Variants in ZNF384 observed in about 807,000 individuals in gnomAD.
ZNF384 encodes the protein CAG repeat protein 1.
In ZNF384, 20 loss-of-function variants were observed where a neutral mutation model predicts 65.0. That is an observed-to-expected ratio of 0.31 (90% confidence interval 0.22 to 0.45). ZNF384 has a LOEUF of 0.45. Among genes scored for constraint, ZNF384 ranks in the 20% least tolerant of loss-of-function variants. The pLI is 1.00. For synonymous variants in ZNF384, 310 were observed against 303.9 expected, an observed-to-expected ratio of 1.02 and a Z score of -0.21; for missense variants, 549 against 769.4, an observed-to-expected ratio of 0.71 and a Z score of 3.39.
chr12:6,682,414 T>G (rs905431282), intron 2 of ZNF384, among the ~76,000 whole-genome samples: 1 of 152,048 alleles, frequency 6.6e-6, no homozygotes, highest in African/African-American at 2.4e-5. Context: ...ATCCCAGCGC[T>G]TTGAGAGGCT....
At chr12:6,676,768 A>G (rs1488836792) in intron 7 of ZNF384, among the ~76,000 whole-genome samples, 2 of 152,230 alleles carry the variant, frequency 1.3e-5, no homozygotes, top group Non-Finnish European at 2.9e-5. Context: ...CCTTTAAATG[A>G]ATCAAACTTG....
chr12:6,681,950 A>G (rs1956121969), intron 2 of ZNF384, among the ~76,000 whole-genome samples: 1 of 152,160 alleles, frequency 6.6e-6, no homozygotes, highest in African/African-American at 2.4e-5. Context: ...AAAACTAATC[A>G]GTATCTGATA....
chr12:6,688,946 A>C (rs914467892), intron 1 of ZNF384, 152 bp downstream of exon 1: 48 of 147,056 alleles, frequency 3.3e-4, no homozygotes, highest in African/African-American at 1.2e-3. Context: ...ATTCCTTCCC[A>C]TCGCCCGCTC....
chr12:6,680,646 T>TAAA (rs1452239073), intron 2 of ZNF384, among the ~76,000 whole-genome samples: 1 of 136,736 alleles, frequency 7.3e-6, no homozygotes, highest in African/African-American at 2.8e-5. Flanking sequence ...AAATTCCGTC[T>TAAA]CAAAAAAAAA....
intron 10 of ZNF384, among the ~76,000 whole-genome samples, chr12:6,669,928 GCACACGCGCGCGCGCACACACACACA>G (rs1376192843): frequency 1.3e-5 from 2 of 150,242 alleles, no homozygotes; most frequent in Non-Finnish European, 3.0e-5. Context: ...TCTCAAACAC[GCACACGCGCGCGCGCACACACACACA>G]CACACACAAA....
In ZNF384 at chr12:6,672,624, G is replaced by A. The variant is rs558651751; in HGVS notation, c.1005-92C>T. ...GCTGGGTGAAATGACGTTGCTTGAC[G>A]GATGAGAGCACCCCCTTCCTCCCTC... On this transcript the variant is annotated intron_variant, in intron 8 of 11. Transcript: ENST00000683879. This position sits in a 1 kb window ranked among gnomAD's most constrained non-coding sequence, Gnocchi z 4.4. 10 of 1,284,602 alleles carry A rather than the reference G, an allele frequency of 7.8e-6. No homozygotes were observed. Among genetic ancestry groups the A allele is most frequent in the Admixed American group, 4.3e-5 (2 of 46,340 alleles). The allele number at this position is 1,284,602 out of a possible 1,614,324, so 79.6% of individuals were successfully genotyped here.
chr12:6,679,183 T>C lies in ZNF384; in HGVS notation c.67A>G (p.Ile23Val), dbSNP rs766206723. 5.1e-6 allele frequency: 8 copies of C among 1,568,280 alleles called. No individual in the cohort carries two copies. Among genetic ancestry groups the C allele is most frequent in the African/African-American group, 2.7e-5 (2 of 73,628 alleles). ...TTGTTGATGAACATTGTGTTCTCGATCTAAGAGAAAAGGAAGGGGACGGGA... is the reference window on the plus strand; with the variant it reads ...TTGTTGATGAACATTGTGTTCTCGACCTAAGAGAAAAGGAAGGGGACGGGA... ...WPSIPTVSGQ[I>V]ENTMFINKMK... The change falls in exon 4 of 12, where the codon ATC becomes GTC. Residue 23 changes from isoleucine (I) to valine (V), a missense_variant and splice_region_variant. Coordinates refer to ENST00000683879, the MANE Select transcript of ZNF384 (RefSeq NM_001385745.1).
At position 6,667,540 on chromosome 12, in the gene ZNF384, T is replaced by C. The variant is rs1950030917; in HGVS notation, c.*174A>G. On this transcript the variant is annotated 3_prime_UTR_variant, in exon 12 of 12. Transcript: ENST00000683879. ...GCAATCAGGAGGGCTGATGTTCCTTTTGAAGAAGAGTTCAGAAAAAGGATG... is the reference window on the plus strand; with the variant it reads ...GCAATCAGGAGGGCTGATGTTCCTTCTGAAGAAGAGTTCAGAAAAAGGATG... The C allele has an allele frequency of 2.3e-6, 2 of 878,954 alleles. No homozygotes were observed. Among genetic ancestry groups the C allele is most frequent in the Non-Finnish European group, 1.9e-6 (1 of 532,680 alleles). 54.4% of individuals were successfully genotyped at this position (878,954 alleles called of 1,614,324 possible). A position where few individuals can be genotyped will look rare whatever the true frequency, so the allele number is the denominator to read the frequency against.
Position 6,678,153 on chromosome 12 carries a change from GTCA to G in ZNF384, c.657_659del (p.Asp220del), listed in dbSNP as rs1954458542. 5 of 1,613,224 alleles carry G rather than the reference GTCA, an allele frequency of 3.1e-6. No homozygotes were observed. Among genetic ancestry groups the G allele is most frequent in the Admixed American group, 1.7e-5 (1 of 59,998 alleles). On this transcript the variant is annotated inframe_deletion, in exon 6 of 12. Coordinates refer to ENST00000683879, the MANE Select transcript of ZNF384 (RefSeq NM_001385745.1). This position sits in a 1 kb window ranked among gnomAD's most constrained non-coding sequence, Gnocchi z 4.9. ...TGTAGGTCTTGCCGTCTTTCTGATG[GTCA>G]TCATCATCCTCAGGGGAGAGGACAT...
intron 2 of ZNF384, among the ~76,000 whole-genome samples, chr12:6,680,913 A>C (rs1183227697): frequency 6.6e-6 from 1 of 152,002 alleles, no homozygotes; most frequent in Non-Finnish European, 1.5e-5. Context: ...CCTGCTTCCT[A>C]TTTCTCAAAA....
At position 6,672,559 on chromosome 12, in the gene ZNF384, G is replaced by T; in HGVS notation, c.1005-27C>A. On this transcript the variant is annotated intron_variant, in intron 8 of 11. Coordinates refer to ENST00000683879, the MANE Select transcript of ZNF384 (RefSeq NM_001385745.1). The surrounding 1 kb of genome is among the most constrained non-coding windows in gnomAD (Gnocchi z 4.4). The stretch of plus-strand genomic sequence containing the variant: ...TGCCGGAGAGGAGAGGAGGGAAGGG[G>T]GGAGGAGGAAGCAGTTCGACACCAG... The T allele has an allele frequency of 6.2e-7, 1 of 1,609,872 alleles. No homozygotes were observed. Among genetic ancestry groups the T allele is most frequent in the East Asian group, 2.2e-5 (1 of 44,806 alleles).
chr12:6,684,490 G>A (rs1257188332), intron 2 of ZNF384, among the ~76,000 whole-genome samples: 1 of 152,138 alleles, frequency 6.6e-6, no homozygotes, highest in Non-Finnish European at 1.5e-5. Context: ...ACTTTAGGAT[G>A]ACAGAGCCTG....
At chr12:6,688,292 C>A (rs1365826249) in intron 1 of ZNF384, 66 bp from the exon 2 acceptor site, 1 of 152,542 alleles carries the variant, frequency 6.6e-6, no homozygotes, top group East Asian at 1.9e-4. Flanking sequence ...CTGTGGAGAA[C>A]CTCAGGAATT....
chr12:6,670,218 C>T (rs1026853903), intron 10 of ZNF384, among the ~76,000 whole-genome samples: 3 of 152,078 alleles, frequency 2.0e-5, no homozygotes. Context: ...GGCCTGTGTC[C>T]AGGAGTTCGA....
intron 3 of ZNF384, 109 bp downstream of exon 3, chr12:6,679,346 T>TC: frequency 7.9e-7 from 1 of 1,262,202 alleles, no homozygotes; most frequent in Non-Finnish European, 1.1e-6. Context: ...ACTAGATAAT[T>TC]CTCAGGGGTG....
Position 6,687,693 on chromosome 12 carries a change from C to G in ZNF384, c.-6+474G>C, listed in dbSNP as rs116684312. Among the ~76,000 whole-genome samples the G allele has an allele frequency of 3.8e-3, 583 of 152,206 alleles. 3 individuals are homozygous for G. Among genetic ancestry groups the G allele is most frequent in the African/African-American group, 0.014 (563 of 41,512 alleles). ...CTTGCCATACCAAATTCAAATAACC[C>G]TGTGTCACAGATTCTAATCACTCCA... On this transcript the variant is annotated intron_variant, in intron 2 of 11. Coordinates refer to ENST00000683879, the MANE Select transcript of ZNF384 (RefSeq NM_001385745.1).
chr12:6,677,134 A>G, intron 7 of ZNF384, 33 bp downstream of exon 7: 1 of 574,098 alleles, frequency 1.7e-6, no homozygotes, highest in South Asian at 1.6e-5. Context: ...ACAGATGAGG[A>G]AACTGAGGCC....
chr12:6,688,985 GACAC>G, intron 1 of ZNF384, 109 bp downstream of exon 1: 1 of 152,320 alleles, frequency 6.6e-6, no homozygotes, highest in Non-Finnish European at 1.5e-5. Flanking sequence ...TTCCGGGACG[GACAC>G]ACACACAGTC....
chr12:6,668,970 GGTGAA>G lies in ZNF384; in HGVS notation c.1425+56_1425+60del, dbSNP rs1950515385. On this transcript the variant is annotated intron_variant, in intron 11 of 11. Transcript: ENST00000683879. ...CAACAGATCTCTACCCAGAAAATGG[GGTGAA>G]GTGGACTGTACTCTTAGAGGACTAT... 4.0e-6 allele frequency: 6 copies of G among 1,505,260 alleles called. No homozygotes were observed. The East Asian group carries it at 7.2e-5, about 18-fold the overall frequency. The allele number at this position is 1,505,260 out of a possible 1,614,324, so 93.2% of individuals were successfully genotyped here.
Sources: allele counts gnomAD v4.1 joint callset (sites outside exome capture counted in the v4.1 genomes callset), GRCh38; gene constraint gnomAD v4.1.1; non-coding constraint Gnocchi (gnomAD v3.1); transcripts MANE v1.5; gene names NCBI Gene and HGNC (gene_info 2026-07-23, HGNC 2026-07-21).